TSPAN13: variants seen among roughly 807,000 people sequenced by gnomAD.
TSPAN13 encodes tetraspanin 13.
In TSPAN13, 18 loss-of-function variants were observed where a neutral mutation model predicts 26.9. That is an observed-to-expected ratio of 0.67 (90% CI 0.46 to 0.99). The LOEUF (loss-of-function observed/expected upper bound fraction) is 0.99. TSPAN13 is among the 50% of genes least tolerant of loss of function. TSPAN13 has a pLI of 0.00. For synonymous variants in TSPAN13, 116 were observed against 98.4 expected (o/e 1.18, Z -1.06); for missense variants, 201 against 249.6 (o/e 0.81, Z 1.31).
intron 1 of TSPAN13, 105 bp downstream of exon 1, chr7:16,754,135 C>A (rs999852663): frequency 3.6e-5 from 42 of 1,157,938 alleles, no homozygotes; most frequent in Non-Finnish European, 5.0e-5. Context: ...CATCCCGCGC[C>A]CCCTTCCCGG....
At chr7:16,757,507 CA>C (rs35359693) in intron 1 of TSPAN13, among the ~76,000 whole-genome samples, 44,196 of 151,424 alleles carry the variant, frequency 0.29, 7,035 homozygotes, top group Admixed American at 0.36. Flanking sequence ...AACAAACAAC[CA>C]AAAAAAAGGT....
chr7:16,776,722 A>T (rs1177882965), intron 2 of TSPAN13, among the ~76,000 whole-genome samples: 1 of 152,134 alleles, frequency 6.6e-6, no homozygotes, highest in African/African-American at 2.4e-5. Flanking sequence ...TTTTAGACTT[A>T]ATATTAAAAA....
intron 1 of TSPAN13, among the ~76,000 whole-genome samples, chr7:16,757,861 T>A (rs1458672052): frequency 2.6e-5 from 4 of 152,144 alleles, no homozygotes; most frequent in Non-Finnish European, 5.9e-5. Flanking sequence ...GAGATGGAGT[T>A]TCACTCTCGT....
At chr7:16,777,969 A>C in intron 4 of TSPAN13, 58 bp downstream of exon 4, 1 of 1,255,042 alleles carries the variant, frequency 8.0e-7, no homozygotes, top group South Asian at 1.4e-5. Context: ...ATAATGATTA[A>C]TGTGGAAGAA....
intron 5 of TSPAN13, among the ~76,000 whole-genome samples, chr7:16,781,020 A>G (rs1048781082): frequency 2.0e-5 from 3 of 152,180 alleles, no homozygotes; most frequent in Non-Finnish European, 4.4e-5. Context: ...GAAGGGATGC[A>G]GTTACTTAGC....
intron 1 of TSPAN13, among the ~76,000 whole-genome samples, chr7:16,766,842 TTTAA>T (rs775063069): frequency 4.6e-5 from 7 of 152,318 alleles, no homozygotes; most frequent in Non-Finnish European, 1.0e-4. Context: ...CAAGGCTAGT[TTTAA>T]TTAGGAAATT....
At chr7:16,768,388 G>A (rs1472605859) in intron 1 of TSPAN13, among the ~76,000 whole-genome samples, 1 of 152,158 alleles carries the variant, frequency 6.6e-6, no homozygotes, top group Non-Finnish European at 1.5e-5. Context: ...TCATATCCCA[G>A]CTCTATCCCT....
intron 5 of TSPAN13, 139 bp downstream of exon 5, chr7:16,779,255 CAGA>C (rs1784788248): frequency 1.6e-6 from 1 of 615,200 alleles, no homozygotes; most frequent in African/African-American, 1.9e-5. Flanking sequence ...GGTTTAGAAT[CAGA>C]AGATCTTACA....
At chr7:16,776,615 A>G (rs934677043) in intron 2 of TSPAN13, among the ~76,000 whole-genome samples, 1 of 152,112 alleles carries the variant, frequency 6.6e-6, no homozygotes, top group Non-Finnish European at 1.5e-5. Context: ...GTGTAGTCCT[A>G]TTTATGTATT....
At chr7:16,758,007 G>T (rs1321573806) in intron 1 of TSPAN13, among the ~76,000 whole-genome samples, 1 of 152,048 alleles carries the variant, frequency 6.6e-6, no homozygotes, top group African/African-American at 2.4e-5. Context: ...CTTATTTTTT[G>T]TATTTTTAGT....
intron 1 of TSPAN13, among the ~76,000 whole-genome samples, chr7:16,764,916 T>C (rs1342081104): frequency 7.0e-6 from 1 of 142,172 alleles, no homozygotes. Context: ...TCTCTGTCTC[T>C]GTTTTGTTTT....
intron 5 of TSPAN13, among the ~76,000 whole-genome samples, chr7:16,783,128 C>G (rs12112188): frequency 6.6e-6 from 1 of 151,870 alleles, no homozygotes; most frequent in Non-Finnish European, 1.5e-5. Flanking sequence ...TTAACCACAC[C>G]CGCAAAGTCC....
intron 1 of TSPAN13, among the ~76,000 whole-genome samples, chr7:16,771,897 T>C (rs891269442): frequency 6.6e-6 from 1 of 152,164 alleles, no homozygotes; most frequent in Non-Finnish European, 1.5e-5. Context: ...GACAGAGGGT[T>C]ATGTAGAAGG....
chr7:16,761,460 G>A (rs1022738474), intron 1 of TSPAN13, among the ~76,000 whole-genome samples: 4 of 152,186 alleles, frequency 2.6e-5, no homozygotes, highest in Non-Finnish European at 4.4e-5. Context: ...AGAGTTCAGT[G>A]TTCACGTGTA....
intron 1 of TSPAN13, 37 bp downstream of exon 1, chr7:16,754,067 C>T: frequency 6.2e-7 from 1 of 1,602,254 alleles, no homozygotes; most frequent in Non-Finnish European, 8.5e-7. Flanking sequence ...CGCTTGGGGG[C>T]TTTGCACCTG....
chr7:16,781,867 G>A (rs1193778279), intron 5 of TSPAN13, among the ~76,000 whole-genome samples: 3 of 152,170 alleles, frequency 2.0e-5, no homozygotes, highest in Non-Finnish European at 4.4e-5. Context: ...CTACAGATAT[G>A]TAAGTATTTC....
At chr7:16,754,160 G>A (rs1414887839) in intron 1 of TSPAN13, 130 bp downstream of exon 1, 3 of 934,656 alleles carry the variant, frequency 3.2e-6, no homozygotes, top group Non-Finnish European at 5.0e-6. Flanking sequence ...CCACGTCTGC[G>A]CGCCCCCGGC....
At chr7:16,758,763 T>C (rs1277673868) in intron 1 of TSPAN13, among the ~76,000 whole-genome samples, 4 of 152,002 alleles carry the variant, frequency 2.6e-5, no homozygotes, top group Admixed American at 2.6e-4. Flanking sequence ...TTTTTTTTTT[T>C]ACATAATTGG....
intron 1 of TSPAN13, among the ~76,000 whole-genome samples, chr7:16,769,478 T>G (rs992006794): frequency 2.4e-4 from 37 of 152,218 alleles, no homozygotes; most frequent in African/African-American, 8.7e-4. Context: ...ATTTCACAAT[T>G]TTCTTCATGA....
Sources: gnomAD v4.1 joint callset for allele counts (sites outside exome capture counted in the v4.1 genomes callset) on GRCh38, gnomAD v4.1.1 for gene constraint, MANE v1.5 for transcripts, NCBI Gene and HGNC (gene_info 2026-07-23, HGNC 2026-07-21) for gene names.